DNAH1: variants seen among roughly 807,000 people sequenced by gnomAD.
DNAH1 encodes dynein axonemal heavy chain 1.
Under a neutral mutation model 484.3 loss-of-function variants are expected in DNAH1, and 327 were observed. The ratio of observed to expected loss-of-function variants is 0.68; its 90% CI spans 0.62 to 0.74. DNAH1 has a LOEUF of 0.74. Ranked by LOEUF, DNAH1 falls within the 30% of genes least tolerant of loss-of-function variation. The pLI is 0.00. For missense variants in DNAH1, 5,052 were observed against 5,546.8 expected, an observed-to-expected ratio of 0.91 and a Z score of 2.83; for synonymous variants, 2,192 against 2,191.9, an observed-to-expected ratio of 1.00 and a Z score of 0.00.
intron 6 of DNAH1, among the ~76,000 whole-genome samples, chr3:52,328,735 C>T (rs539274914): frequency 6.6e-6 from 1 of 152,380 alleles, no homozygotes; most frequent in Non-Finnish European, 1.5e-5. Context: ...TGGGCATCCG[C>T]AGCTGACATC....
intron 45 of DNAH1, 69 bp downstream of exon 45, chr3:52,375,482 A>T: frequency 6.5e-7 from 1 of 1,538,192 alleles, no homozygotes; most frequent in Non-Finnish European, 8.8e-7. Flanking sequence ...ACCAAGGACA[A>T]CTGGGTGGCC....
intron 8 of DNAH1, among the ~76,000 whole-genome samples, chr3:52,338,651 A>C (rs373060892): frequency 5.9e-5 from 9 of 152,258 alleles, no homozygotes; most frequent in Admixed American, 3.3e-4. Flanking sequence ...CAGATATAAA[A>C]TTCTTAGTTC....
At position 52,385,555 on chromosome 3, in the gene DNAH1, TC is replaced by T; in HGVS notation, c.8625+110del. Reference sequence around the variant, plus strand: ...CCTGGCCACTGCAAGTCATCTGGCCTCCGTGTGCCCCAGCTTCCTCAATCAG... The same window carrying T: ...CCTGGCCACTGCAAGTCATCTGGCCTCGTGTGCCCCAGCTTCCTCAATCAG... On this transcript the variant is annotated intron_variant, in intron 54 of 77. Transcript: ENST00000420323. 4.8e-6 allele frequency: 4 copies of T among 840,858 alleles called. No individual in the cohort carries two copies. In the South Asian group the frequency reaches 6.2e-5, roughly 13 times the overall value. 52.1% of individuals were successfully genotyped at this position (840,858 alleles called of 1,614,324 possible). A position where few individuals can be genotyped will look rare whatever the true frequency, so the allele number is the denominator to read the frequency against.
Position 52,349,485 on chromosome 3 carries a change from C to A in DNAH1, c.2526+65C>A, listed in dbSNP as rs1702283819. The A allele has an allele frequency of 4.8e-6, 7 of 1,455,656 alleles. No homozygotes were observed. The South Asian group carries it at 5.9e-5, about 12-fold the overall frequency. The allele number at this position is 1,455,656 out of a possible 1,614,324, so 90.2% of individuals were successfully genotyped here. A position where few individuals can be genotyped will look rare whatever the true frequency, so the allele number is the denominator to read the frequency against. ...ACACACCACAGCAGCACACACGGAC[C>A]CTCACATACATGGCAAGATGTCCCC... On this transcript the variant is annotated intron_variant, in intron 14 of 77. Transcript: ENST00000420323.
chr3:52,394,745 A>G (rs1490814512), intron 67 of DNAH1, 84 bp downstream of exon 67: 2 of 1,500,560 alleles, frequency 1.3e-6, no homozygotes, highest in African/African-American at 2.8e-5. Flanking sequence ...GCCTTCTCTA[A>G]GGGGCCACCC....
Position 52,400,337 on chromosome 3 carries a change from C to G in DNAH1, c.12689C>G (p.Thr4230Ser). Residue 4230 changes from threonine to serine, a missense_variant, in exon 78 of 78, where the codon ACC becomes AGC. By Grantham distance (58) the Thr-to-Ser change is moderately conservative (BLOSUM62 1). Around this residue, in one of 4 missense-constraint regions of DNAH1, gnomAD observed 853 missense variants for 899.0 expected, o/e 0.95. Transcript: ENST00000420323. ...TTGCCCATTCCAGGAACACTATCAA[C>G]CACAGGACACTCTACCAACTATGTC... ...KTLTRAGTLS[T>S]TGHSTNYVIA... 1 of 1,614,042 alleles carries G rather than the reference C, an allele frequency of 6.2e-7. No homozygotes were observed. The highest frequency in any genetic ancestry group is 2.2e-5 in the East Asian group (1 of 44,878).
chr3:52,364,848 C>G lies in DNAH1; in HGVS notation c.5347C>G (p.Arg1783Gly). Residue 1783 changes from arginine (R) to glycine (G), a missense_variant, in exon 34 of 78, where the codon CGG (arginine) becomes GGG (glycine). Arg to Gly is a moderately radical substitution (Grantham distance 125). Coordinates refer to ENST00000420323, the MANE Select transcript of DNAH1 (RefSeq NM_015512.5). The surrounding 1 kb of genome is among the most constrained non-coding windows in gnomAD (Gnocchi z 4.2). Reference protein sequence around the residue: ...PSMNEELICLRAIRDVNVPKF... With the variant: ...PSMNEELICLGAIRDVNVPKF... The stretch of plus-strand genomic sequence containing the variant: ...CCTGCTGCAGGAGCTGATCTGCCTC[C>G]GGGCCATCCGTGATGTGAACGTGCC... The G allele has an allele frequency of 6.2e-7, 1 of 1,613,682 alleles. No individual in the cohort carries two copies. Among genetic ancestry groups the G allele is most frequent in the Non-Finnish European group, 8.5e-7 (1 of 1,179,684 alleles).
At chr3:52,349,524 G>A (rs1702286007) in intron 14 of DNAH1, 104 bp downstream of exon 14, 1 of 1,130,884 alleles carries the variant, frequency 8.8e-7, no homozygotes, top group Non-Finnish European at 1.3e-6. Flanking sequence ...CAGGGTCTGG[G>A]GTGTCTGTGG....
rs750043127 is a variant in DNAH1, at chr3:52,392,619, G to T, written c.10208G>T (p.Gly3403Val). 3.1e-6 allele frequency: 5 copies of T among 1,613,444 alleles called. No homozygotes were observed. In the African/African-American group the frequency reaches 6.7e-5, roughly 22 times the overall value. The change falls in exon 64 of 78, where the codon GGC becomes GTC. Residue 3403 changes from glycine to valine, a missense_variant. Transcript: ENST00000420323. The stretch of plus-strand genomic sequence containing the variant: ...CTGTACCGGCTCAGCTCCTCCGAGG[G>T]CAACCCTGTAGATGACATGGAACTC... ...QILYRLSSSE[G>V]NPVDDMELIK...
At chr3:52,367,521 C>T (rs1454944734) in intron 36 of DNAH1, among the ~76,000 whole-genome samples, 3 of 151,846 alleles carry the variant, frequency 2.0e-5, no homozygotes, top group Non-Finnish European at 4.4e-5. Context: ...GGTGAGGGGG[C>T]TGGGGGTCAG....
At chr3:52,392,348 C>A in intron 63 of DNAH1, 116 bp from the exon 64 acceptor site, 1 of 928,946 alleles carries the variant, frequency 1.1e-6, no homozygotes, top group Non-Finnish European at 1.7e-6. Flanking sequence ...CCAACACTGG[C>A]AAGGATGCTG....
rs535598839 is a variant in DNAH1, at chr3:52,398,285, T to C, written c.12089+123T>C. On this transcript the variant is annotated intron_variant, in intron 75 of 77. Coordinates refer to ENST00000420323, the MANE Select transcript of DNAH1 (RefSeq NM_015512.5). ...CTACACATCCTCTAACTCAGCTATT[T>C]TTTGTTGTTGTTGTTGACACGGAGT... 2.3e-6 allele frequency: 3 copies of C among 1,299,600 alleles called. No homozygotes were observed. The African/African-American group carries it at 4.5e-5, about 19-fold the overall frequency. The allele number at this position is 1,299,600 out of a possible 1,614,324, so 80.5% of individuals were successfully genotyped here.
intron 39 of DNAH1, 88 bp downstream of exon 39, chr3:52,370,317 G>A: frequency 6.4e-7 from 1 of 1,562,994 alleles, no homozygotes; most frequent in Admixed American, 1.8e-5. Context: ...GAGAGAATTG[G>A]ATTGGTGCAA....
intron 51 of DNAH1, 130 bp from the exon 52 acceptor site, chr3:52,383,730 T>C (rs1036891880): frequency 1.1e-5 from 15 of 1,405,836 alleles, no homozygotes; most frequent in Admixed American, 5.2e-5. Context: ...CATCATGCCA[T>C]TGGGCCCAGG....
intron 6 of DNAH1, 69 bp from the exon 7 acceptor site, chr3:52,331,079 C>T: frequency 6.6e-7 from 1 of 1,509,324 alleles, no homozygotes; most frequent in Non-Finnish European, 8.9e-7. Context: ...AGCGATGCTG[C>T]CAGCACTCAG....
Position 52,358,064 on chromosome 3 carries a change from TCCCTCCCTTTGTGATGA to T in DNAH1, c.4086+62_4086+78del. On this transcript the variant is annotated intron_variant, in intron 24 of 77. Transcript: ENST00000420323. This position sits in a 1 kb window ranked among gnomAD's most constrained non-coding sequence, Gnocchi z 4.2. ...ATGGGGCATCTTCCCAGGGAGAACGTCCCTCCCTTTGTGATGAGCCCTTTTAGCAGGAAATGTGGCAA... is the reference window on the plus strand; with the variant it reads ...ATGGGGCATCTTCCCAGGGAGAACGTGCCCTTTTAGCAGGAAATGTGGCAA... The T allele has an allele frequency of 7.6e-7, 1 of 1,316,776 alleles. No homozygotes were observed. Among genetic ancestry groups the T allele is most frequent in the Non-Finnish European group, 1.0e-6 (1 of 958,780 alleles). The allele number at this position is 1,316,776 out of a possible 1,614,324, so 81.6% of individuals were successfully genotyped here. A position where few individuals can be genotyped will look rare whatever the true frequency, so the allele number is the denominator to read the frequency against.
rs556591520 is a variant in DNAH1, at chr3:52,396,931, C to G, written c.11674C>G (p.Arg3892Gly). 1 of 1,613,452 alleles carries G rather than the reference C, an allele frequency of 6.2e-7. No homozygotes were observed. The highest frequency in any genetic ancestry group is 1.3e-5 in the African/African-American group (1 of 74,984). The change falls in exon 73 of 78, where the codon CGC (arginine) becomes GGC (glycine). Residue 3892 changes from arginine (R) to glycine (G), a missense_variant. By Grantham distance (125) the Arg-to-Gly change is moderately radical. Coordinates refer to ENST00000420323, the MANE Select transcript of DNAH1 (RefSeq NM_015512.5). ...CCGTGTCACTGATGACTGGGACCGG[C>G]GCTGCATCATGAACATCTTGGAGGA... The part of the protein sequence containing the change: ...GGRVTDDWDR[R>G]CIMNILEDFY...
At chr3:52,347,775 C>A in intron 11 of DNAH1, 49 bp from the exon 12 acceptor site, 1 of 1,502,148 alleles carries the variant, frequency 6.7e-7, no homozygotes, top group Non-Finnish European at 8.9e-7. Context: ...TGCTCCTGCA[C>A]ACAGGCCTCC....
At chr3:52,341,004 C>A (rs1480919781) in intron 8 of DNAH1, among the ~76,000 whole-genome samples, 12 of 151,334 alleles carry the variant, frequency 7.9e-5, no homozygotes. Context: ...TCCTTCCTTC[C>A]TAGGATGTGT....
Sources: gnomAD v4.1 joint callset for allele counts (sites outside exome capture counted in the v4.1 genomes callset) on GRCh38, gnomAD v4.1.1 for gene constraint, gnomAD v4.1.1 regional missense constraint, Gnocchi (gnomAD v3.1) non-coding constraint, MANE v1.5 for transcripts, NCBI Gene and HGNC (gene_info 2026-07-23, HGNC 2026-07-21) for gene names.